GMIP: variants seen among roughly 807,000 people sequenced by gnomAD.
GMIP encodes the protein GEM interacting protein, also known as GEM-interacting protein.
A neutral mutation model predicts 105.3 loss-of-function variants in GMIP; 54 were observed. That is an observed-to-expected ratio of 0.51 (90% CI 0.41 to 0.64). The LOEUF (loss-of-function observed/expected upper bound fraction) is 0.64. GMIP is among the 30% of genes least tolerant of loss of function. The pLI is 0.00. For synonymous variants in GMIP, 541 were observed against 560.8 expected (o/e 0.96, Z 0.50); for missense variants, 1,110 against 1,319.4 (o/e 0.84, Z 2.46).
intron 7 of GMIP, among the ~76,000 whole-genome samples, chr19:19,639,534 G>A (rs112272953): frequency 0.024 from 3,703 of 151,984 alleles, 152 homozygotes; most frequent in African/African-American, 0.085. Flanking sequence ...TCAGCACCTC[G>A]TTCCCCTCCC....
In GMIP at chr19:19,641,822, C is replaced by G; in HGVS notation, c.226G>C (p.Val76Leu). The change falls in exon 4 of 21, where the codon GTA becomes CTA. Residue 76 changes from valine (V) to leucine (L), a missense_variant. Physicochemically the swap from Val to Leu is conservative, Grantham distance 32. Around this residue, in one of 3 missense-constraint regions of GMIP, gnomAD observed 667 missense variants for 773.2 expected, o/e 0.86. Coordinates refer to ENST00000203556, the MANE Select transcript of GMIP (RefSeq NM_016573.4). The part of the protein sequence containing the change: ...CWSGPSPEGP[V>L]PLTGEELDLR... ...CAGACCCCCCTACCTGTGAGGGGTACAGGACCCTCTGGGGAGGGGCCGCTC... is the reference window on the plus strand; with the variant it reads ...CAGACCCCCCTACCTGTGAGGGGTAGAGGACCCTCTGGGGAGGGGCCGCTC... 6.2e-7 allele frequency: 1 copy of G among 1,611,418 alleles called. No individual in the cohort carries two copies. Among genetic ancestry groups the G allele is most frequent in the Admixed American group, 1.7e-5 (1 of 59,942 alleles).
At chr19:19,641,760 A>G in intron 4 of GMIP, 50 bp downstream of exon 4, 1 of 1,329,506 alleles carries the variant, frequency 7.5e-7, no homozygotes, top group Non-Finnish European at 1.1e-6. Flanking sequence ...GATTTGTTGA[A>G]GGAAAGACTC....
rs757669510 is a variant in GMIP at position 19,641,832 on chromosome 19, T to G, written c.216A>C (p.Pro72=). The change falls in exon 4 of 21, where the codon CCA becomes CCC. Residue 72 remains proline, a synonymous_variant. Coordinates refer to ENST00000203556, the MANE Select transcript of GMIP (RefSeq NM_016573.4). The part of the protein sequence containing the change: ...NEASCWSGPS[P]EGPVPLTGEE... ...TACCTGTGAGGGGTACAGGACCCTCTGGGGAGGGGCCGCTCCAACAGCTGG... is the reference window on the plus strand; with the variant it reads ...TACCTGTGAGGGGTACAGGACCCTCGGGGGAGGGGCCGCTCCAACAGCTGG... 5.0e-5 allele frequency: 80 copies of G among 1,612,180 alleles called. No homozygotes were observed. Among genetic ancestry groups the G allele is most frequent in the Non-Finnish European group, 6.6e-5 (78 of 1,179,610 alleles).
Position 19,635,412 on chromosome 19 carries a change from C to T in GMIP, c.1560+3G>A, listed in dbSNP as rs748965805. The T allele has an allele frequency of 8.7e-6, 14 of 1,608,506 alleles. No homozygotes were observed. Among genetic ancestry groups the T allele is most frequent in the Non-Finnish European group, 1.2e-5 (14 of 1,179,056 alleles). The stretch of plus-strand genomic sequence containing the variant: ...GTCATTTGGTCATTAACCCAGGCCA[C>T]ACCTCCTCACACTCCGTCCCGCTGA... On this transcript the variant is annotated splice_donor_region_variant and intron_variant, in intron 15 of 20. Transcript: ENST00000203556. This position sits in a 1 kb window ranked among gnomAD's most constrained non-coding sequence, Gnocchi z 4.7.
rs764540842 is a variant in GMIP at position 19,637,039 on chromosome 19, C to T, written c.1125-10G>A. Reference sequence around the variant, plus strand: ...GATGTCCAGAGGGGAGCTGAGAAGACAGAAGTTTGAAGGTTTGAATCCCAG... The same window carrying T: ...GATGTCCAGAGGGGAGCTGAGAAGATAGAAGTTTGAAGGTTTGAATCCCAG... On this transcript the variant is annotated splice_polypyrimidine_tract_variant and intron_variant, in intron 11 of 20. Coordinates refer to ENST00000203556, the MANE Select transcript of GMIP (RefSeq NM_016573.4). This position sits in a 1 kb window ranked among gnomAD's most constrained non-coding sequence, Gnocchi z 6.7. The T allele has an allele frequency of 4.0e-5, 61 of 1,538,602 alleles. No individual in the cohort carries two copies. The Middle Eastern group carries it at 1.7e-3, about 42-fold the overall frequency.
Position 19,637,658 on chromosome 19 carries a change from C to A in GMIP, c.928-97G>T. The A allele has an allele frequency of 9.2e-7, 1 of 1,088,554 alleles. No individual in the cohort carries two copies. Among genetic ancestry groups the A allele is most frequent in the South Asian group, 1.7e-5 (1 of 60,258 alleles). The allele number at this position is 1,088,554 out of a possible 1,614,324, so 67.4% of individuals were successfully genotyped here. A position where few individuals can be genotyped will look rare whatever the true frequency, so the allele number is the denominator to read the frequency against. ...GGGGCTTGAGAGACGCGAACGTGGT[C>A]AGGGTTTGGGACGCACCTGGGCGGC... On this transcript the variant is annotated intron_variant, in intron 10 of 20. Transcript: ENST00000203556. The surrounding 1 kb of genome is among the most constrained non-coding windows in gnomAD (Gnocchi z 6.7).
Position 19,633,907 on chromosome 19 carries a change from G to T in GMIP, c.2368C>A (p.His790Asn). Residue 790 changes from histidine to asparagine, a missense_variant, in exon 19 of 21, where the codon CAC becomes AAC. By Grantham distance (68) the His-to-Asn change is moderately conservative. Transcript: ENST00000203556. The stretch of plus-strand genomic sequence containing the variant: ...GGGGGCTGGGAGTCTGGGTCAAGGT[G>T]CGGGGGTGGCGGTTGGGAGCTGGTT... ...LTTSSQPPPP[H>N]LDPDSQPPVL... The T allele has an allele frequency of 6.5e-7, 1 of 1,530,308 alleles. No individual in the cohort carries two copies. The highest frequency in any genetic ancestry group is 8.8e-7 in the Non-Finnish European group (1 of 1,133,362). The allele number at this position is 1,530,308 out of a possible 1,614,324, so 94.8% of individuals were successfully genotyped here.
At chr19:19,642,333 CCA>C (rs1255441134) in intron 2 of GMIP, among the ~76,000 whole-genome samples, 200 bp downstream of exon 2, 2 of 152,074 alleles carry the variant, frequency 1.3e-5, no homozygotes, top group East Asian at 3.9e-4. Context: ...GGTTCTAGGA[CCA>C]CTTTGGGGAT....
At position 19,634,479 on chromosome 19, in the gene GMIP, G is replaced by A. The variant is rs143664947; in HGVS notation, c.2084+28C>T. On this transcript the variant is annotated intron_variant, in intron 18 of 20. Transcript: ENST00000203556. The surrounding 1 kb of genome is among the most constrained non-coding windows in gnomAD (Gnocchi z 6.1). ...TCGCATGTCCAGGGAAAAGGGTCGC[G>A]TTTCAAGGCTCAGGGACCCATGCAC... The A allele has an allele frequency of 5.1e-6, 8 of 1,572,958 alleles. No individual in the cohort carries two copies. The highest frequency in any genetic ancestry group is 4.5e-5 in the East Asian group (2 of 44,732).
At position 19,633,819 on chromosome 19, in the gene GMIP, G is replaced by C; in HGVS notation, c.2456C>G (p.Thr819Arg). ...GGTTCTTACCTCGGTAGGTGTGGCC[G>C]TGGGATGCTGCTCCAGGGTACTGTG... ...QHHSTLEQHP[T>R]ATPTEIPTPQ... Residue 819 changes from threonine (T) to arginine (R), a missense_variant, in exon 19 of 21, where the codon ACG (threonine) becomes AGG (arginine). Around this residue, in one of 3 missense-constraint regions of GMIP, gnomAD observed 394 missense variants for 450.5 expected, o/e 0.87. Coordinates refer to ENST00000203556, the MANE Select transcript of GMIP (RefSeq NM_016573.4). The C allele has an allele frequency of 6.8e-7, 1 of 1,470,742 alleles. No individual in the cohort carries two copies. The highest frequency in any genetic ancestry group is 9.0e-7 in the Non-Finnish European group (1 of 1,110,186). 91.1% of individuals were successfully genotyped at this position (1,470,742 alleles called of 1,614,324 possible). A position where few individuals can be genotyped will look rare whatever the true frequency, so the allele number is the denominator to read the frequency against.
At position 19,638,100 on chromosome 19, in the gene GMIP, G is replaced by A. The variant is rs574066794; in HGVS notation, c.790-43C>T. 149 of 1,550,226 alleles carry A rather than the reference G, an allele frequency of 9.6e-5. 1 individual carries two copies. In the South Asian group the frequency reaches 1.6e-3, roughly 16 times the overall value. ...CAGGAGCGGGGTGGGGCGCGTGTGG[G>A]CGAGAGTGGAGGGCAGGGGGCGCCA... On this transcript the variant is annotated intron_variant, in intron 9 of 20. Transcript: ENST00000203556.
chr19:19,634,127 C>T lies in GMIP; in HGVS notation c.2148G>A (p.Pro716=), dbSNP rs1021976315. 3.7e-6 allele frequency: 6 copies of T among 1,611,950 alleles called. No individual in the cohort carries two copies. Among genetic ancestry groups the T allele is most frequent in the East Asian group, 2.2e-5 (1 of 44,860 alleles). ...SANNLGIVFG[P]TLLRPPDGPR... is the part of the protein sequence containing the mutation. Reference sequence around the variant, plus strand: ...GGCCGTCCGGCGGCCGCAGCAGTGTCGGCCCAAACACAATGCCCAGGTTGT... The same window carrying T: ...GGCCGTCCGGCGGCCGCAGCAGTGTTGGCCCAAACACAATGCCCAGGTTGT... Residue 716 remains proline (P), a synonymous_variant, in exon 19 of 21, where the codon CCG becomes CCA. Coordinates refer to ENST00000203556, the MANE Select transcript of GMIP (RefSeq NM_016573.4). The surrounding 1 kb of genome is among the most constrained non-coding windows in gnomAD (Gnocchi z 6.1).
chr19:19,631,721 C>T (rs148417549), intron 19 of GMIP, among the ~76,000 whole-genome samples: 2,915 of 152,302 alleles, frequency 0.019, 46 homozygotes, highest in Non-Finnish European at 0.028. Flanking sequence ...GGTGCAGTGG[C>T]TCCAGCCTGT....
Position 19,634,527 on chromosome 19 carries a change from G to A in GMIP, c.2064C>T (p.His688=), listed in dbSNP as rs746542889. 6.2e-7 allele frequency: 1 copy of A among 1,611,566 alleles called. No homozygotes were observed. Among genetic ancestry groups the A allele is most frequent in the Non-Finnish European group, 8.5e-7 (1 of 1,179,326 alleles). Residue 688 remains histidine (H), a synonymous_variant, in exon 18 of 21, where the codon CAC becomes CAT. Transcript: ENST00000203556. The surrounding 1 kb of genome is among the most constrained non-coding windows in gnomAD (Gnocchi z 6.1). The part of the protein sequence containing the change: ...LPDSNYNTLR[H]LVAHLFRVAA... ...CACACCTGAACAGATGGGCCACCAGGTGCCGCAGGGTGTTGTAGTTAGAGT... is the reference window on the plus strand; with the variant it reads ...CACACCTGAACAGATGGGCCACCAGATGCCGCAGGGTGTTGTAGTTAGAGT...
Position 19,637,402 on chromosome 19 carries a change from CGGGCGGCGG to C in GMIP, c.1078_1086del (p.Pro360_Pro362del). On this transcript the variant is annotated inframe_deletion, in exon 11 of 21. Coordinates refer to ENST00000203556, the MANE Select transcript of GMIP (RefSeq NM_016573.4). The surrounding 1 kb of genome is among the most constrained non-coding windows in gnomAD (Gnocchi z 6.7). ...GGAAGGAACTCCTGGAAGGAGAAGG[CGGGCGGCGG>C]GGGCGGCGGGGCCTCGGGCCGCAGC... is the stretch of plus-strand genomic sequence containing the variant. The C allele has an allele frequency of 6.7e-7, 1 of 1,491,468 alleles. No individual in the cohort carries two copies. Among genetic ancestry groups the C allele is most frequent in the Non-Finnish European group, 8.9e-7 (1 of 1,126,968 alleles). The allele number at this position is 1,491,468 out of a possible 1,614,324, so 92.4% of individuals were successfully genotyped here. A position where few individuals can be genotyped will look rare whatever the true frequency, so the allele number is the denominator to read the frequency against.
In GMIP at chr19:19,635,897, G is replaced by A. The variant is rs1004368043; in HGVS notation, c.1328-176C>T. On this transcript the variant is annotated intron_variant, in intron 13 of 20. Transcript: ENST00000203556. This position sits in a 1 kb window ranked among gnomAD's most constrained non-coding sequence, Gnocchi z 4.7. ...GCAACCTGAGGGGGGTGGTTCATAA[G>A]CTGGATCAAGAGGTTGAGGAAATAG... is the stretch of plus-strand genomic sequence containing the variant. Among the ~76,000 whole-genome samples the A allele has an allele frequency of 6.6e-6, 1 of 152,170 alleles. No individual in the cohort carries two copies. The highest frequency in any genetic ancestry group is 2.4e-5 in the African/African-American group (1 of 41,432).
Position 19,637,600 on chromosome 19 carries a change from C to A in GMIP, c.928-39G>T. Reference sequence around the variant, plus strand: ...ACAGCAGGTTGGGGAGGGGCGGAGCCTGGGAGCCTGGGGGCAGGGCCAGAG... The same window carrying A: ...ACAGCAGGTTGGGGAGGGGCGGAGCATGGGAGCCTGGGGGCAGGGCCAGAG... On this transcript the variant is annotated intron_variant, in intron 10 of 20. Coordinates refer to ENST00000203556, the MANE Select transcript of GMIP (RefSeq NM_016573.4). This position sits in a 1 kb window ranked among gnomAD's most constrained non-coding sequence, Gnocchi z 6.7. The A allele has an allele frequency of 7.0e-7, 1 of 1,435,104 alleles. No homozygotes were observed. Among genetic ancestry groups the A allele is most frequent in the Non-Finnish European group, 9.2e-7 (1 of 1,087,472 alleles). The allele number at this position is 1,435,104 out of a possible 1,614,324, so 88.9% of individuals were successfully genotyped here. A position where few individuals can be genotyped will look rare whatever the true frequency, so the allele number is the denominator to read the frequency against.
At position 19,642,082 on chromosome 19, in the gene GMIP, C is replaced by T. The variant is rs567163572; in HGVS notation, c.105-31G>A. The T allele has an allele frequency of 5.1e-4, 767 of 1,494,812 alleles. 6 individuals are homozygous for T. In the South Asian group the frequency reaches 8.1e-3, roughly 16 times the overall value. 92.6% of individuals were successfully genotyped at this position (1,494,812 alleles called of 1,614,324 possible). On this transcript the variant is annotated intron_variant, in intron 2 of 20. Coordinates refer to ENST00000203556, the MANE Select transcript of GMIP (RefSeq NM_016573.4). ...GGATAAAGGTGTGTCAGGATGCCAC[C>T]TTACACCCAGTCTGTCCTGCCAAGG...
At position 19,642,002 on chromosome 19, in the gene GMIP, G is replaced by A. The variant is rs1289259295; in HGVS notation, c.154C>T (p.Pro52Ser). Residue 52 changes from proline (P) to serine (S), a missense_variant, in exon 3 of 21, where the codon CCT becomes TCT. Pro to Ser is a moderately conservative substitution (Grantham distance 74, BLOSUM62 -1). Coordinates refer to ENST00000203556, the MANE Select transcript of GMIP (RefSeq NM_016573.4). ...GDPLLSEDPE[P>S]DKTPTATVTN... ...ACAGTGGCTGTAGGGGTCTTGTCAGGTTCTGGGTCTTCTGAGAGTAGAGGG... is the reference window on the plus strand; with the variant it reads ...ACAGTGGCTGTAGGGGTCTTGTCAGATTCTGGGTCTTCTGAGAGTAGAGGG... The A allele has an allele frequency of 1.9e-6, 3 of 1,613,618 alleles. No homozygotes were observed. Among genetic ancestry groups the A allele is most frequent in the African/African-American group, 1.3e-5 (1 of 74,908 alleles).
Sources: gnomAD v4.1 joint callset for allele counts (sites outside exome capture counted in the v4.1 genomes callset) on GRCh38, gnomAD v4.1.1 for gene constraint, gnomAD v4.1.1 regional missense constraint, Gnocchi (gnomAD v3.1) non-coding constraint, MANE v1.5 for transcripts, NCBI Gene and HGNC (gene_info 2026-07-23, HGNC 2026-07-21) for gene names.